PLEKHM3: variants seen among roughly 807,000 people sequenced by gnomAD.
PLEKHM3 encodes the protein pleckstrin homology domain-containing family M member 3.
In PLEKHM3, 45 loss-of-function variants were observed where a neutral mutation model predicts 81.8. The ratio of observed to expected loss-of-function variants is 0.55; its 90% CI spans 0.43 to 0.71. PLEKHM3 has a LOEUF of 0.71. PLEKHM3 is among the 30% of genes least tolerant of loss of function. The probability of loss-of-function intolerance (pLI) is 0.00; values close to 1 mark genes in which losing one functional copy is unlikely to be tolerated. For synonymous variants in PLEKHM3, 352 were observed against 356.4 expected (o/e 0.99, Z 0.14); for missense variants, 788 against 924.3 (o/e 0.85, Z 1.91).
chr2:207,836,509 C>G (rs1446820858), intron 7 of PLEKHM3, among the ~76,000 whole-genome samples: 1 of 152,088 alleles, frequency 6.6e-6, no homozygotes, highest in Non-Finnish European at 1.5e-5. Flanking sequence ...GGAAAATGAA[C>G]CTGCTGCAAA....
intron 2 of PLEKHM3, among the ~76,000 whole-genome samples, chr2:207,993,645 G>A (rs1435863574): frequency 6.6e-6 from 1 of 151,842 alleles, no homozygotes; most frequent in Non-Finnish European, 1.5e-5. Flanking sequence ...GAAGTACTTA[G>A]AACAAGAAAA....
At chr2:207,948,546 GTTT>G (rs34459307) in intron 3 of PLEKHM3, among the ~76,000 whole-genome samples, 12 of 125,686 alleles carry the variant, frequency 9.5e-5, no homozygotes, top group African/African-American at 1.5e-4. Context: ...TATTTTTTTT[GTTT>G]TTTTTTTTTT....
chr2:207,930,978 G>A lies in PLEKHM3; in HGVS notation c.1834C>T (p.Arg612Ter). 1.9e-6 allele frequency: 3 copies of A among 1,613,716 alleles called. No individual in the cohort carries two copies. Among genetic ancestry groups the A allele is most frequent in the Non-Finnish European group, 2.5e-6 (3 of 1,179,678 alleles). The change falls in exon 5 of 8, where the codon CGA (arginine) becomes TGA (stop). Residue 612 changes from arginine (R) to a stop codon, truncating the protein, a stop_gained. Transcript: ENST00000427836. LOFTEE classifies it high-confidence loss of function. Reference protein sequence around the residue: ...LRLRQRLKSLRAYLFSCRAAV... With the variant: ...LRLRQRLKSL ...GCCCGGCAGCTGAACAAATAGGCTC[G>A]GAGCGACTTCAGCCGCTGCCGCAGC...
intron 7 of PLEKHM3, among the ~76,000 whole-genome samples, chr2:207,851,026 A>AC (rs1261058914): frequency 1.3e-5 from 2 of 151,844 alleles, no homozygotes; most frequent in Non-Finnish European, 2.9e-5. Flanking sequence ...CGTGGCACGC[A>AC]CCTGTAATCC....
chr2:207,848,830 C>T (rs1221607269), intron 7 of PLEKHM3, among the ~76,000 whole-genome samples: 2 of 152,214 alleles, frequency 1.3e-5, no homozygotes. Context: ...TCAGGACAAG[C>T]TGGACATTTC....
At chr2:207,880,790 C>CAAAAAAA (rs1221176290) in intron 6 of PLEKHM3, among the ~76,000 whole-genome samples, 19 of 33,552 alleles carry the variant, frequency 5.7e-4, no homozygotes, top group East Asian at 1.9e-3. Context: ...AAAAAAAAAC[C>CAAAAAAA]AAAAAAACAA....
chr2:207,860,175 G>GTGTGTGTGTGTGTGTGTGTGTGTGTGTT (rs1559210498), intron 7 of PLEKHM3, among the ~76,000 whole-genome samples: 7 of 149,978 alleles, frequency 4.7e-5, no homozygotes, highest in African/African-American at 1.7e-4. Flanking sequence ...GTGTGTGTGT[G>GTGTGTGTGTGTGTGTGTGTGTGTGTGTT]TGTGTGTGTG....
intron 3 of PLEKHM3, among the ~76,000 whole-genome samples, chr2:207,957,536 A>C (rs561764981): frequency 6.6e-6 from 1 of 152,330 alleles, no homozygotes; most frequent in East Asian, 1.9e-4. Context: ...GTCTCTACTA[A>C]AAATACTAAA....
chr2:208,009,657 C>T (rs979305246), intron 1 of PLEKHM3, among the ~76,000 whole-genome samples: 1 of 152,204 alleles, frequency 6.6e-6, no homozygotes, highest in Non-Finnish European at 1.5e-5. Context: ...CTTAGAGGAA[C>T]TTGAAAGCAG....
chr2:207,832,779 G>A (rs1041568016), intron 7 of PLEKHM3, among the ~76,000 whole-genome samples: 7 of 145,574 alleles, frequency 4.8e-5, no homozygotes, highest in South Asian at 2.2e-4. Context: ...GCAACAGAGC[G>A]AGACTCCCTC....
chr2:207,847,029 G>A (rs529094949), intron 7 of PLEKHM3, among the ~76,000 whole-genome samples: 50 of 152,198 alleles, frequency 3.3e-4, no homozygotes, highest in African/African-American at 1.2e-3. Context: ...AAAAAATTAA[G>A]CTGTCTGAAA....
At chr2:208,021,415 C>G (rs1693127971) in intron 1 of PLEKHM3, among the ~76,000 whole-genome samples, 1 of 152,146 alleles carries the variant, frequency 6.6e-6, no homozygotes, top group Admixed American at 6.6e-5. Context: ...CACTTATTAC[C>G]CTACTGAGAA....
intron 7 of PLEKHM3, among the ~76,000 whole-genome samples, chr2:207,841,892 TA>T (rs1336862279): frequency 1.3e-5 from 2 of 152,174 alleles, no homozygotes; most frequent in Non-Finnish European, 2.9e-5. Flanking sequence ...AAATTCTATA[TA>T]ATTCTATATT....
In PLEKHM3 at chr2:208,006,314, T is replaced by C. The variant is rs1319062070; in HGVS notation, c.-318-4357A>G. 2.0e-5 allele frequency among the ~76,000 whole-genome samples: 3 copies of C among 152,178 alleles called. No individual in the cohort carries two copies. In the East Asian group the frequency reaches 5.8e-4, roughly 29 times the overall value. On this transcript the variant is annotated intron_variant, in intron 1 of 7. Transcript: ENST00000427836. ...AATTAATCAAAATATAATAAATATA[T>C]TCAGATAGGTCAAAATATAAAGGGG... is the stretch of plus-strand genomic sequence containing the variant.
intron 2 of PLEKHM3, among the ~76,000 whole-genome samples, chr2:207,998,351 A>G (rs1692187939): frequency 6.6e-6 from 1 of 152,114 alleles, no homozygotes; most frequent in Admixed American, 6.5e-5. Context: ...TAAAAATAAT[A>G]ACAATAAAAA....
Position 208,001,412 on chromosome 2 carries a change from A to C in PLEKHM3, c.228T>G (p.Cys76Trp), listed in dbSNP as rs777565472. 1 of 1,614,216 alleles carries C rather than the reference A, an allele frequency of 6.2e-7. No homozygotes were observed. Among genetic ancestry groups the C allele is most frequent in the Non-Finnish European group, 8.5e-7 (1 of 1,180,040 alleles). ...LGKGGMIWDH[C>W]KSRLLETKAQ... Reference sequence around the variant, plus strand: ...CTTTGGTTTCTAAGAGCCTGCTCTTACAGTGGTCCCAAATCATGCCCCCCT... The same window carrying C: ...CTTTGGTTTCTAAGAGCCTGCTCTTCCAGTGGTCCCAAATCATGCCCCCCT... The change falls in exon 2 of 8, where the codon TGT (cysteine) becomes TGG (tryptophan). Residue 76 changes from cysteine to tryptophan, a missense_variant. Coordinates refer to ENST00000427836, the MANE Select transcript of PLEKHM3 (RefSeq NM_001080475.3).
rs867548304 is a variant in PLEKHM3 at position 207,828,368 on chromosome 2, C to T, written c.2237G>A (p.Ser746Asn). The T allele has an allele frequency of 1.9e-6, 3 of 1,614,072 alleles. No individual in the cohort carries two copies. In the African/African-American group the frequency reaches 4.0e-5, roughly 22 times the overall value. Residue 746 changes from serine (S) to asparagine (N), a missense_variant, in exon 8 of 8, where the codon AGT becomes AAT. Coordinates refer to ENST00000427836, the MANE Select transcript of PLEKHM3 (RefSeq NM_001080475.3). Reference sequence around the variant, plus strand: ...GAACATGGTGCAAGCCTCCTCTAGACTCTCGTCCATGTTCAGTCTCTGCCA... The same window carrying T: ...GAACATGGTGCAAGCCTCCTCTAGATTCTCGTCCATGTTCAGTCTCTGCCA... Reference protein sequence around the residue: ...SFWQRLNMDESLEEACTMFEL... With the variant: ...SFWQRLNMDENLEEACTMFEL...
At chr2:207,869,339 G>C (rs1481973280) in intron 6 of PLEKHM3, among the ~76,000 whole-genome samples, 1 of 152,080 alleles carries the variant, frequency 6.6e-6, no homozygotes, top group African/African-American at 2.4e-5. Context: ...AGAAGGAAAC[G>C]TGTAGCTCTT....
chr2:207,937,709 TC>T (rs1420004691), intron 4 of PLEKHM3, among the ~76,000 whole-genome samples: 2 of 152,134 alleles, frequency 1.3e-5, no homozygotes, highest in Non-Finnish European at 2.9e-5. Flanking sequence ...AGAATAAAGA[TC>T]AACAGAGGAA....
Sources: gnomAD v4.1 joint callset for allele counts (sites outside exome capture counted in the v4.1 genomes callset) on GRCh38, gnomAD v4.1.1 for gene constraint, MANE v1.5 for transcripts, NCBI Gene and HGNC (gene_info 2026-07-23, HGNC 2026-07-21) for gene names.